The following ZNF829 variants were observed in gnomAD, a reference collection of about 807,000 sequenced individuals.
ZNF829 encodes zinc finger protein 829.
Under a neutral mutation model 35.2 loss-of-function variants are expected in ZNF829, and 25 were observed. The observed-to-expected ratio is 0.71, with a 90% CI of 0.52 to 0.99. ZNF829 has a LOEUF of 0.99. ZNF829 is among the 50% of genes least tolerant of loss of function. The pLI is 0.00. For missense variants in ZNF829, 417 were observed against 515.3 expected (o/e 0.81, Z 1.85); for synonymous variants, 136 against 163.2 (o/e 0.83, Z 1.27).
At chr19:36,898,668 T>A (rs918996940) in intron 5 of ZNF829, among the ~76,000 whole-genome samples, 1 of 152,042 alleles carries the variant, frequency 6.6e-6, no homozygotes, top group Non-Finnish European at 1.5e-5. Context: ...CAAAGACCAA[T>A]GGAACAGAAG....
intron 5 of ZNF829, among the ~76,000 whole-genome samples, chr19:36,902,674 T>C (rs1160391813): frequency 6.6e-6 from 1 of 150,580 alleles, no homozygotes; most frequent in East Asian, 2.0e-4. Context: ...TAAAATAAAA[T>C]AATAAAAACT....
rs1241891156 is a variant in ZNF829 at position 36,892,019 on chromosome 19, G to A, written c.772C>T (p.His258Tyr). The A allele has an allele frequency of 1.2e-6, 2 of 1,613,650 alleles. No homozygotes were observed. Among genetic ancestry groups the A allele is most frequent in the Non-Finnish European group, 1.7e-6 (2 of 1,179,848 alleles). The part of the protein sequence containing the change: ...AFKYCSNLND[H>Y]QRIHTGEKPY... ...TTCTCACCAGTGTGAATTCTCTGAT[G>A]ATCATTAAGGTTTGAGCAATACTTA... is the stretch of plus-strand genomic sequence containing the variant. Residue 258 changes from histidine to tyrosine, a missense_variant, in exon 6 of 6, where the codon CAT becomes TAT. His to Tyr is a moderately conservative substitution (Grantham distance 83). Transcript: ENST00000391711.
intron 5 of ZNF829, among the ~76,000 whole-genome samples, chr19:36,893,254 T>C (rs1466654774): frequency 2.0e-5 from 3 of 152,176 alleles, no homozygotes; most frequent in Middle Eastern, 3.2e-3. Flanking sequence ...CTTCTGTGCA[T>C]ACAGCATGAT....
chr19:36,896,679 A>C (rs1474555046), intron 5 of ZNF829, among the ~76,000 whole-genome samples: 1 of 152,224 alleles, frequency 6.6e-6, no homozygotes, highest in African/African-American at 2.4e-5. Context: ...CATTGTTCCT[A>C]TCAGCACATG....
At chr19:36,915,728 C>T in intron 1 of ZNF829, 4 of 836,980 alleles carry the variant, frequency 4.8e-6, no homozygotes, top group Non-Finnish European at 7.4e-6. Flanking sequence ...CTGCGAGTAG[C>T]TGGGATTACA....
chr19:36,912,496 C>A (rs891292311), intron 3 of ZNF829, among the ~76,000 whole-genome samples: 1 of 152,076 alleles, frequency 6.6e-6, no homozygotes, highest in South Asian at 2.1e-4. Context: ...ATCTATAAAG[C>A]GATAATCTTA....
At position 36,892,311 on chromosome 19, in the gene ZNF829, T is replaced by A. The variant is rs1284563235; in HGVS notation, c.480A>T (p.Ile160=). The A allele has an allele frequency of 1.2e-6, 2 of 1,613,866 alleles. No homozygotes were observed. The highest frequency in any genetic ancestry group is 1.7e-6 in the Non-Finnish European group (2 of 1,179,984). Residue 160 remains isoleucine (I), a synonymous_variant, in exon 6 of 6, where the codon ATA becomes ATT. Coordinates refer to ENST00000391711, the MANE Select transcript of ZNF829 (RefSeq NM_001037232.4). The stretch of plus-strand genomic sequence containing the variant: ...AGTTTTGATTAAAGGTCTTTCCACA[T>A]ATCTTACATTCCCATGGTTTCTCTT... ...MSEEKPWECK[I]CGKTFNQNSQ...
intron 5 of ZNF829, among the ~76,000 whole-genome samples, chr19:36,898,568 C>T (rs7250197): frequency 0.16 from 24,096 of 151,950 alleles, 2,162 homozygotes; most frequent in East Asian, 0.41. Flanking sequence ...CAATCTGTAG[C>T]GAAAGAACAA....
intron 5 of ZNF829, among the ~76,000 whole-genome samples, chr19:36,904,395 G>T (rs1276259815): frequency 1.3e-5 from 2 of 152,090 alleles, no homozygotes; most frequent in African/African-American, 2.4e-5. Flanking sequence ...GCAGGCTGCT[G>T]TTTTTCTTTT....
chr19:36,913,213 CTTAG>C (rs759426312), intron 3 of ZNF829, among the ~76,000 whole-genome samples: 11 of 152,172 alleles, frequency 7.2e-5, no homozygotes, highest in Non-Finnish European at 1.5e-4. Context: ...ACACAAAATA[CTTAG>C]TTAGACTTAT....
rs531126988 is a variant in ZNF829 at position 36,902,763 on chromosome 19, C to T, written c.319+5166G>A. ...ATCCAAGTAACTGTTGGGCCGGGTG[C>T]AGTGGCTCACGCCTATAATCCCAGC... On this transcript the variant is annotated intron_variant, in intron 5 of 5. Transcript: ENST00000391711. Among the ~76,000 whole-genome samples, 177 of 152,238 alleles carry T rather than the reference C, an allele frequency of 1.2e-3. 1 individual carries two copies. Among genetic ancestry groups the T allele is most frequent in the Non-Finnish European group, 1.7e-3 (116 of 68,008 alleles).
chr19:36,888,303 CTA>C lies in ZNF829; in HGVS notation c.*3187_*3188del, dbSNP rs1411118417. ...TATTCCAGGGAAGATGTTTCCTGTT[CTA>C]TCTCCCAACACATACAGTGTTATTA... On this transcript the variant is annotated 3_prime_UTR_variant, in exon 6 of 6. Coordinates refer to ENST00000391711, the MANE Select transcript of ZNF829 (RefSeq NM_001037232.4). The C allele has an allele frequency of 6.6e-6, 1 of 151,376 alleles. No individual in the cohort carries two copies. Among genetic ancestry groups the C allele is most frequent in the Non-Finnish European group, 1.5e-5 (1 of 68,016 alleles). The allele number at this position is 151,376 out of a possible 1,614,324, so 9.4% of individuals were successfully genotyped here.
intron 5 of ZNF829, among the ~76,000 whole-genome samples, chr19:36,903,210 T>A (rs1364482851): frequency 1.3e-5 from 2 of 152,218 alleles, no homozygotes; most frequent in African/African-American, 4.8e-5. Context: ...ATTAAAACAT[T>A]GATTTCTAAG....
Position 36,892,222 on chromosome 19 carries a change from C to G in ZNF829, c.569G>C (p.Gly190Ala). Residue 190 changes from glycine (G) to alanine (A), a missense_variant, in exon 6 of 6, where the codon GGG becomes GCG. Gly to Ala is a moderately conservative substitution (Grantham distance 60). Transcript: ENST00000391711. Reference protein sequence around the residue: ...GEKHYESKEYGKSFSRGSLVT... With the variant: ...GEKHYESKEYAKSFSRGSLVT... ...GAGTGAGCCACGACTAAAGGACTTC[C>G]CATACTCCTTAGATTCATAGTGTTT... 6.2e-7 allele frequency: 1 copy of G among 1,614,090 alleles called. No homozygotes were observed. Among genetic ancestry groups the G allele is most frequent in the East Asian group, 2.2e-5 (1 of 44,858 alleles).
At chr19:36,899,758 C>CAA (rs201383048) in intron 5 of ZNF829, among the ~76,000 whole-genome samples, 29 of 130,096 alleles carry the variant, frequency 2.2e-4, no homozygotes, top group African/African-American at 3.4e-4. Flanking sequence ...TTACCCTAAA[C>CAA]AAAAAAAAAA....
At chr19:36,910,519 C>T (rs2073255264) in intron 3 of ZNF829, among the ~76,000 whole-genome samples, 1 of 152,186 alleles carries the variant, frequency 6.6e-6, no homozygotes. Context: ...TTAACATAAA[C>T]AAATTCAACT....
In ZNF829 at chr19:36,891,817, T is replaced by G. The variant is rs200398691; in HGVS notation, c.974A>C (p.Glu325Ala). Residue 325 changes from glutamate to alanine, a missense_variant, in exon 6 of 6, where the codon GAA becomes GCA. Coordinates refer to ENST00000391711, the MANE Select transcript of ZNF829 (RefSeq NM_001037232.4). ...AAAGGCCTTCCCACACTGCTTACAT[T>G]CATAAGGTTTCTCACCAGTATGCAT... ...QRMHTGEKPY[E>A]CKQCGKAFNS... 54 of 1,614,044 alleles carry G rather than the reference T, an allele frequency of 3.3e-5. No homozygotes were observed. The highest frequency in any genetic ancestry group is 5.0e-5 in the Admixed American group (3 of 60,002).
At chr19:36,909,252 G>C (rs1200785393) in intron 3 of ZNF829, among the ~76,000 whole-genome samples, 1 of 152,044 alleles carries the variant, frequency 6.6e-6, no homozygotes, top group Non-Finnish European at 1.5e-5. Flanking sequence ...CATCTCCAAA[G>C]AAAACTAAGG....
In ZNF829 at chr19:36,915,232, C is replaced by A. The variant is rs779771160; in HGVS notation, c.-65G>T. ...ACTGCTGTCCAGGGTTGGAATCTGA[C>A]CAGACCTCAGAGAGGTTTCCTAGAG... On this transcript the variant is annotated 5_prime_UTR_variant, in exon 2 of 6. Transcript: ENST00000391711. 2.5e-6 allele frequency: 4 copies of A among 1,613,654 alleles called. No homozygotes were observed.
Sources: gnomAD v4.1 joint callset for allele counts (sites outside exome capture counted in the v4.1 genomes callset) on GRCh38, gnomAD v4.1.1 for gene constraint, MANE v1.5 for transcripts, NCBI Gene and HGNC (gene_info 2026-07-23, HGNC 2026-07-21) for gene names.